Variants in ARHGAP44 observed in about 807,000 individuals in gnomAD.
The protein encoded by ARHGAP44 is rho GTPase-activating protein 44.
ARHGAP44 carries 43 observed loss-of-function variants against 106.8 expected under a neutral mutation model. That is an observed-to-expected ratio of 0.40 (90% confidence interval 0.32 to 0.52). The LOEUF (loss-of-function observed/expected upper bound fraction) is 0.52, where lower values mean the gene tolerates loss of function less well. Among genes scored for constraint, ARHGAP44 ranks in the 20% least tolerant of loss-of-function variants. The pLI is 0.48. For synonymous variants in ARHGAP44, 439 were observed against 410.3 expected (o/e 1.07, Z -0.85); for missense variants, 866 against 1,050.5 (o/e 0.82, Z 2.43).
At position 12,925,918 on chromosome 17, in the gene ARHGAP44, A is replaced by G. The variant is rs539280383; in HGVS notation, c.465-3011A>G. On this transcript the variant is annotated intron_variant, in intron 6 of 20. Coordinates refer to ENST00000379672, the MANE Select transcript of ARHGAP44 (RefSeq NM_014859.6). ...ACTATCTGTACAAAATTTTCCCAAC[A>G]TGACTATCTGTACAAAATTCATGTC... Among the ~76,000 whole-genome samples the G allele has an allele frequency of 2.2e-4, 33 of 152,232 alleles. 1 individual carries two copies. The highest frequency in any genetic ancestry group is 1.2e-3 in the South Asian group (6 of 4,828).
chr17:12,919,416 C>T lies in ARHGAP44; in HGVS notation c.388-339C>T, dbSNP rs187669467. ...TTTTTTTTTTTTTGAGACGGAGTCTCGCTCTGTCACACAGGCTGGAGTGGA... is the reference window on the plus strand; with the variant it reads ...TTTTTTTTTTTTTGAGACGGAGTCTTGCTCTGTCACACAGGCTGGAGTGGA... On this transcript the variant is annotated intron_variant, in intron 5 of 20. Coordinates refer to ENST00000379672, the MANE Select transcript of ARHGAP44 (RefSeq NM_014859.6). 9.4e-3 allele frequency among the ~76,000 whole-genome samples: 1,359 copies of T among 144,042 alleles called. 17 individuals are homozygous for T. The highest frequency in any genetic ancestry group is 0.015 in the Non-Finnish European group (989 of 66,966). The allele number at this position is 144,042 out of a possible 152,430, so 94.5% of individuals were successfully genotyped here.
intron 16 of ARHGAP44, among the ~76,000 whole-genome samples, chr17:12,961,335 A>G (rs2039255812): frequency 6.6e-6 from 1 of 152,244 alleles, no homozygotes; most frequent in African/African-American, 2.4e-5. Flanking sequence ...TCTGTATACT[A>G]TTCTTATTTG....
At chr17:12,896,275 CAA>C (rs139465622) in intron 2 of ARHGAP44, 130 bp from the exon 3 acceptor site, 124,515 of 707,460 alleles carry the variant, frequency 0.18, 14,718 homozygotes, top group East Asian at 0.43. Context: ...AACAAACAAA[CAA>C]AAAAACAAAG....
chr17:12,979,939 A>G, intron 18 of ARHGAP44, 119 bp from the exon 19 acceptor site: 1 of 1,112,422 alleles, frequency 9.0e-7, no homozygotes, highest in Non-Finnish European at 1.3e-6. Context: ...AAGACAGACC[A>G]GAGCTGGGAC....
chr17:12,902,231 G>A (rs1370673755), intron 3 of ARHGAP44, among the ~76,000 whole-genome samples: 1 of 152,040 alleles, frequency 6.6e-6, no homozygotes, highest in Non-Finnish European at 1.5e-5. Context: ...CTTCAGCTGT[G>A]CTCACCTGGT....
chr17:12,906,186 A>T (rs1259004000), intron 3 of ARHGAP44, among the ~76,000 whole-genome samples: 1 of 152,208 alleles, frequency 6.6e-6, no homozygotes, highest in Non-Finnish European at 1.5e-5. Flanking sequence ...CTGGAATATT[A>T]TGCCTGCTTC....
chr17:12,817,777 A>G (rs1010986962), intron 1 of ARHGAP44, among the ~76,000 whole-genome samples: 3 of 152,078 alleles, frequency 2.0e-5, no homozygotes, highest in Non-Finnish European at 4.4e-5. Context: ...AGTAAAATAT[A>G]CCAACTCCTT....
chr17:12,789,638 G>C lies in ARHGAP44; in HGVS notation c.-201G>C. 2.9e-6 allele frequency: 1 copy of C among 350,862 alleles called. No homozygotes were observed. Among genetic ancestry groups the C allele is most frequent in the Non-Finnish European group, 5.0e-6 (1 of 198,760 alleles). 21.7% of individuals were successfully genotyped at this position (350,862 alleles called of 1,614,324 possible). ...TGCGCGGCGCGCGTGAGGGGGATGC[G>C]GCAGGAGGCGGCGCGGCGGGAGGAG... On this transcript the variant is annotated 5_prime_UTR_variant, in exon 1 of 21. Coordinates refer to ENST00000379672, the MANE Select transcript of ARHGAP44 (RefSeq NM_014859.6).
At chr17:12,905,193 A>G (rs1263850546) in intron 3 of ARHGAP44, among the ~76,000 whole-genome samples, 2 of 151,986 alleles carry the variant, frequency 1.3e-5, no homozygotes, top group African/African-American at 4.8e-5. Context: ...ATTACTGGCA[A>G]ATTAATTCTT....
chr17:12,923,355 C>T (rs1444094775), intron 6 of ARHGAP44, among the ~76,000 whole-genome samples: 3 of 152,044 alleles, frequency 2.0e-5, no homozygotes, highest in Admixed American at 6.6e-5. Flanking sequence ...GGATTATGGG[C>T]GCCACCACAC....
chr17:12,975,366 G>A lies in ARHGAP44; in HGVS notation c.1763+1056G>A, dbSNP rs1253242674. On this transcript the variant is annotated intron_variant, in intron 18 of 20. Transcript: ENST00000379672. ...GGGTGCAAGTCAGGGAATGAATGGA[G>A]GTGGCGGTTGTACTGGGCCTGATGA... Among the ~76,000 whole-genome samples the A allele has an allele frequency of 2.6e-5, 4 of 152,082 alleles. No individual in the cohort carries two copies. In the East Asian group the frequency reaches 7.7e-4, roughly 29 times the overall value.
intron 1 of ARHGAP44, among the ~76,000 whole-genome samples, chr17:12,815,171 C>T (rs891488332): frequency 1.3e-5 from 2 of 151,948 alleles, no homozygotes; most frequent in African/African-American, 2.4e-5. Flanking sequence ...TTTCCTGATT[C>T]TCCAGAGTCT....
At chr17:12,876,396 T>A (rs2150891404) in intron 1 of ARHGAP44, among the ~76,000 whole-genome samples, 1 of 152,322 alleles carries the variant, frequency 6.6e-6, no homozygotes, top group East Asian at 1.9e-4. Context: ...ATTCTAGGGA[T>A]CTGTGAGTAT....
At chr17:12,903,126 G>GGAGA (rs1555553546) in intron 3 of ARHGAP44, among the ~76,000 whole-genome samples, 37 of 70,706 alleles carry the variant, frequency 5.2e-4, no homozygotes, top group South Asian at 2.0e-3. Flanking sequence ...GAGAGAGAGA[G>GGAGA]GAGAGAGAGA....
chr17:12,912,746 G>A lies in ARHGAP44; in HGVS notation c.276-3154G>A, dbSNP rs140177549. ...GCAAAAGCAGCAATGGAAGAAAGAA[G>A]GTTATTAAGCAGTGCCTTTAAAATT... On this transcript the variant is annotated intron_variant, in intron 4 of 20. Coordinates refer to ENST00000379672, the MANE Select transcript of ARHGAP44 (RefSeq NM_014859.6). 3.1e-3 allele frequency among the ~76,000 whole-genome samples: 465 copies of A among 152,278 alleles called. 1 individual carries two copies. The highest frequency in any genetic ancestry group is 7.1e-3 in the African/African-American group (295 of 41,566).
chr17:12,901,139 G>T (rs2037364913), intron 3 of ARHGAP44, among the ~76,000 whole-genome samples: 1 of 152,016 alleles, frequency 6.6e-6, no homozygotes, highest in South Asian at 2.1e-4. Flanking sequence ...GGCCAGGCTG[G>T]TATCAAACTC....
At chr17:12,831,719 C>G (rs1177224922) in intron 1 of ARHGAP44, among the ~76,000 whole-genome samples, 2 of 152,240 alleles carry the variant, frequency 1.3e-5, no homozygotes, top group Middle Eastern at 3.4e-3. Context: ...GATGTATATG[C>G]ATCTCACAGG....
chr17:12,819,877 T>G (rs1335031748), intron 1 of ARHGAP44, among the ~76,000 whole-genome samples: 2 of 152,142 alleles, frequency 1.3e-5, no homozygotes, highest in Non-Finnish European at 2.9e-5. Flanking sequence ...CCTTTTCGTT[T>G]TCTTGATGTC....
At chr17:12,880,129 C>T (rs2036681368) in intron 1 of ARHGAP44, among the ~76,000 whole-genome samples, 1 of 151,824 alleles carries the variant, frequency 6.6e-6, no homozygotes, top group South Asian at 2.1e-4. Flanking sequence ...TGTTTTTCAT[C>T]TTGTAGGAAT....
Sources: allele counts gnomAD v4.1 joint callset (sites outside exome capture counted in the v4.1 genomes callset), GRCh38; gene constraint gnomAD v4.1.1; transcripts MANE v1.5; gene names NCBI Gene and HGNC (gene_info 2026-07-23, HGNC 2026-07-21).